IFNLR1: variants seen among roughly 807,000 people sequenced by gnomAD.
The protein encoded by IFNLR1 is CRF2-12.
Under a neutral mutation model 52.5 loss-of-function variants are expected in IFNLR1, and 28 were observed. That is an observed-to-expected ratio of 0.53 (90% CI 0.40 to 0.73). The LOEUF is 0.73. Among genes scored for constraint, IFNLR1 ranks in the 30% least tolerant of loss-of-function variants. IFNLR1 has a pLI of 0.00. For synonymous variants in IFNLR1, 276 were observed against 274.9 expected, an observed-to-expected ratio of 1.00 and a Z score of -0.04; for missense variants, 623 against 659.1, an observed-to-expected ratio of 0.95 and a Z score of 0.60.
At chr1:24,171,495 T>A (rs925804404) in intron 2 of IFNLR1, among the ~76,000 whole-genome samples, 5 of 152,240 alleles carry the variant, frequency 3.3e-5, no homozygotes, top group Middle Eastern at 3.4e-3. Context: ...TTTAAAAAAA[T>A]ATATATTTTT....
chr1:24,161,398 A>C, intron 4 of IFNLR1, 144 bp downstream of exon 4: 3 of 859,012 alleles, frequency 3.5e-6, no homozygotes, highest in Non-Finnish European at 3.7e-6. Context: ...AGATTTTATT[A>C]GGGCTGACTG....
intron 2 of IFNLR1, among the ~76,000 whole-genome samples, chr1:24,175,043 G>C (rs777906731): frequency 7.2e-5 from 11 of 152,236 alleles, no homozygotes; most frequent in African/African-American, 2.2e-4. Flanking sequence ...GACTAAAGGG[G>C]ACAGAGATGG....
At position 24,162,760 on chromosome 1, in the gene IFNLR1, C is replaced by CTT. The variant is rs1486727611; in HGVS notation, c.368-1078_368-1077dup. On this transcript the variant is annotated intron_variant, in intron 3 of 6. Coordinates refer to ENST00000327535, the MANE Select transcript of IFNLR1 (RefSeq NM_170743.4). ...TCTTTCTTTCTTTCTTTCTTTCTTT[C>CTT]TTTCTTTCTTTCTTTCTTTTTCTTT... Among the ~76,000 whole-genome samples the CTT allele has an allele frequency of 4.7e-4, 16 of 34,152 alleles. 2 individuals are homozygous for CTT. Among genetic ancestry groups the CTT allele is most frequent in the African/African-American group, 1.5e-3 (12 of 8,224 alleles). 22.4% of individuals were successfully genotyped at this position (34,152 alleles called of 152,430 possible). A position where few individuals can be genotyped will look rare whatever the true frequency, so the allele number is the denominator to read the frequency against.
In IFNLR1 at chr1:24,157,878, T is replaced by C. The variant is rs540698164; in HGVS notation, c.815A>G (p.His272Arg). ...CTGAAAGGTTGCCACAGGGTGTGTGTGTCCAGAAAAGTCCTGATTTGGGTA... is the reference window on the plus strand; with the variant it reads ...CTGAAAGGTTGCCACAGGGTGTGTGCGTCCAGAAAAGTCCTGATTTGGGTA... Reference protein sequence around the residue: ...KMPRALDFSGHTHPVATFQPS... With the variant: ...KMPRALDFSGRTHPVATFQPS... The change falls in exon 7 of 7, where the codon CAC becomes CGC. Residue 272 changes from histidine to arginine, a missense_variant. Physicochemically the swap from His to Arg is conservative, Grantham distance 29. Coordinates refer to ENST00000327535, the MANE Select transcript of IFNLR1 (RefSeq NM_170743.4). This position sits in a 1 kb window ranked among gnomAD's most constrained non-coding sequence, Gnocchi z 5.1. 8 of 1,579,078 alleles carry C rather than the reference T, an allele frequency of 5.1e-6. No homozygotes were observed. The South Asian group carries it at 9.3e-5, about 18-fold the overall frequency.
At chr1:24,171,938 T>C (rs955537298) in intron 2 of IFNLR1, among the ~76,000 whole-genome samples, 1 of 152,070 alleles carries the variant, frequency 6.6e-6, no homozygotes. Flanking sequence ...TTACAGGTGC[T>C]GGGATGAGCC....
At position 24,156,849 on chromosome 1, in the gene IFNLR1, C is replaced by T. The variant is rs1232734618; in HGVS notation, c.*281G>A. The T allele has an allele frequency of 1.2e-5, 6 of 488,564 alleles. No individual in the cohort carries two copies. The highest frequency in any genetic ancestry group is 2.2e-5 in the Non-Finnish European group (6 of 275,618). 30.3% of individuals were successfully genotyped at this position (488,564 alleles called of 1,614,324 possible). ...ATAATTTTTCCCCCTGGCCTGTCAC[C>T]CTAGGGACAATGGGGGTGATGACAC... On this transcript the variant is annotated 3_prime_UTR_variant, in exon 7 of 7. Coordinates refer to ENST00000327535, the MANE Select transcript of IFNLR1 (RefSeq NM_170743.4).
At position 24,156,812 on chromosome 1, in the gene IFNLR1, T is replaced by A; in HGVS notation, c.*318A>T. ...CAGTGACCTGACCTCACCTGTTTCA[T>A]GTTGTCCGGGGATAATTTTTCCCCC... On this transcript the variant is annotated 3_prime_UTR_variant, in exon 7 of 7. Coordinates refer to ENST00000327535, the MANE Select transcript of IFNLR1 (RefSeq NM_170743.4). 2.7e-6 allele frequency: 1 copy of A among 364,314 alleles called. No individual in the cohort carries two copies. Among genetic ancestry groups the A allele is most frequent in the Non-Finnish European group, 5.0e-6 (1 of 200,868 alleles). 22.6% of individuals were successfully genotyped at this position (364,314 alleles called of 1,614,324 possible).
intron 2 of IFNLR1, among the ~76,000 whole-genome samples, chr1:24,175,243 A>G (rs993690960): frequency 2.6e-5 from 4 of 152,234 alleles, no homozygotes; most frequent in Admixed American, 6.5e-5. Flanking sequence ...CCTTAGTTTC[A>G]GCAGGCTAGG....
At position 24,157,164 on chromosome 1, in the gene IFNLR1, C is replaced by T. The variant is rs1352258319; in HGVS notation, c.1529G>A (p.Arg510Lys). The stretch of plus-strand genomic sequence containing the variant: ...CATGTAATGCCCCAATGTCCGGCCC[C>T]TGTCCTCGGTCCTCTGGGTGCTCTC... ...GAESTQRTEDRGRTLGHYMAR is the reference protein window; with the variant it reads ...GAESTQRTEDKGRTLGHYMAR Residue 510 changes from arginine (R) to lysine (K), a missense_variant, in exon 7 of 7, where the codon AGG (arginine) becomes AAG (lysine). By Grantham distance (26) the Arg-to-Lys change is conservative (BLOSUM62 2). Coordinates refer to ENST00000327535, the MANE Select transcript of IFNLR1 (RefSeq NM_170743.4). The surrounding 1 kb of genome is among the most constrained non-coding windows in gnomAD (Gnocchi z 5.1). 1 of 1,613,768 alleles carries T rather than the reference C, an allele frequency of 6.2e-7. No individual in the cohort carries two copies. The highest frequency in any genetic ancestry group is 8.5e-7 in the Non-Finnish European group (1 of 1,179,938).
At chr1:24,163,019 G>A (rs1389880509) in intron 3 of IFNLR1, among the ~76,000 whole-genome samples, 2 of 132,184 alleles carry the variant, frequency 1.5e-5, no homozygotes, top group African/African-American at 5.8e-5. Context: ...GGAGTGCAAC[G>A]GGGCGATCTC....
At chr1:24,163,657 G>T (rs1052791542) in intron 3 of IFNLR1, among the ~76,000 whole-genome samples, 18 of 150,356 alleles carry the variant, frequency 1.2e-4, no homozygotes, top group African/African-American at 4.4e-4. Flanking sequence ...TCGGCTCACC[G>T]CAACCTCTGC....
chr1:24,162,326 A>G (rs1446365355), intron 3 of IFNLR1, among the ~76,000 whole-genome samples: 5 of 152,136 alleles, frequency 3.3e-5, no homozygotes, highest in African/African-American at 9.7e-5. Flanking sequence ...TCAAACCAGA[A>G]ACGGCACCAT....
intron 3 of IFNLR1, 60 bp from the exon 4 acceptor site, chr1:24,161,744 C>T: frequency 7.0e-7 from 1 of 1,432,344 alleles, no homozygotes; most frequent in East Asian, 2.5e-5. Flanking sequence ...CTCCATCCCC[C>T]AAGACCAGAG....
In IFNLR1 at chr1:24,156,065, C is replaced by T. The variant is rs1644375414; in HGVS notation, c.*1065G>A. ...ATTCCTGCCATGTTACTGTCCTACT[C>T]CAACAAACTGGGTCCCTAGAAGGTG... is the stretch of plus-strand genomic sequence containing the variant. On this transcript the variant is annotated 3_prime_UTR_variant, in exon 7 of 7. Transcript: ENST00000327535. The T allele has an allele frequency of 6.6e-6, 1 of 152,216 alleles. No homozygotes were observed. 9.4% of individuals were successfully genotyped at this position (152,216 alleles called of 1,614,324 possible).
At chr1:24,181,920 C>T (rs909349361) in intron 1 of IFNLR1, among the ~76,000 whole-genome samples, 11 of 152,206 alleles carry the variant, frequency 7.2e-5, no homozygotes, top group East Asian at 1.9e-4. Context: ...TTTCATGGGC[C>T]GGGCGCAGTG....
At chr1:24,181,522 C>T (rs1644690644) in intron 1 of IFNLR1, among the ~76,000 whole-genome samples, 1 of 152,246 alleles carries the variant, frequency 6.6e-6, no homozygotes, top group Non-Finnish European at 1.5e-5. Flanking sequence ...ATATACTTCT[C>T]ATTGCCACAA....
Position 24,162,723 on chromosome 1 carries a change from C to T in IFNLR1, c.368-1039G>A, listed in dbSNP as rs928861362. Among the ~76,000 whole-genome samples, 18 of 110,572 alleles carry T rather than the reference C, an allele frequency of 1.6e-4. 2 individuals carry two copies. Among genetic ancestry groups the T allele is most frequent in the Middle Eastern group, 4.7e-3 (1 of 212 alleles). 72.5% of individuals were successfully genotyped at this position (110,572 alleles called of 152,430 possible). A position where few individuals can be genotyped will look rare whatever the true frequency, so the allele number is the denominator to read the frequency against. On this transcript the variant is annotated intron_variant, in intron 3 of 6. Transcript: ENST00000327535. ...TTTCTTTTCTTTTCTTTCTTTCTTTCTTTTCTTTCTTTCTTTCTTTCTTTC... is the reference window on the plus strand; with the variant it reads ...TTTCTTTTCTTTTCTTTCTTTCTTTTTTTTCTTTCTTTCTTTCTTTCTTTC...
intron 3 of IFNLR1, among the ~76,000 whole-genome samples, chr1:24,162,876 T>TTTCTTTCTTTCCTTCCTTCCTTCC (rs1553162229): frequency 4.4e-5 from 1 of 22,590 alleles, no homozygotes; most frequent in Non-Finnish European, 8.0e-5. Flanking sequence ...TCTTTCTTTC[T>TTTCTTTCTTTCCTTCCTTCCTTCC]TTCCTTCCTT....
At chr1:24,175,588 C>G (rs1216506482) in intron 2 of IFNLR1, among the ~76,000 whole-genome samples, 1 of 152,154 alleles carries the variant, frequency 6.6e-6, no homozygotes, top group Non-Finnish European at 1.5e-5. Flanking sequence ...CACACCCATA[C>G]CTGATTTAGA....
Sources: allele counts gnomAD v4.1 joint callset (sites outside exome capture counted in the v4.1 genomes callset), GRCh38; gene constraint gnomAD v4.1.1; non-coding constraint Gnocchi (gnomAD v3.1); transcripts MANE v1.5; gene names NCBI Gene and HGNC (gene_info 2026-07-23, HGNC 2026-07-21).